The following VCAM1 variants were observed in gnomAD, a reference collection of about 807,000 sequenced individuals.
VCAM1 encodes the protein vascular cell adhesion molecule 1, also known as vascular cell adhesion protein 1.
In VCAM1, 41 loss-of-function variants were observed where a neutral mutation model predicts 63.8. The observed-to-expected ratio is 0.64, with a 90% CI of 0.50 to 0.83. The LOEUF is 0.83. VCAM1 is among the 40% of genes least tolerant of loss of function. VCAM1 has a pLI of 0.00. For synonymous variants in VCAM1, 338 were observed against 320.7 expected, an observed-to-expected ratio of 1.05 and a Z score of -0.58; for missense variants, 798 against 875.5, an observed-to-expected ratio of 0.91 and a Z score of 1.12.
chr1:100,720,105 ATAGT>A (rs755048879), intron 1 of VCAM1, among the ~76,000 whole-genome samples, 181 bp downstream of exon 1: 18 of 152,132 alleles, frequency 1.2e-4, no homozygotes, highest in South Asian at 1.0e-3. Context: ...TTGTACTGTC[ATAGT>A]TAGAGCTGAA....
chr1:100,737,099 G>A (rs1162483458), intron 8 of VCAM1: 2 of 152,092 alleles, frequency 1.3e-5, no homozygotes, highest in East Asian at 3.8e-4. Context: ...AGATTAGAAA[G>A]AATACTAATT....
At chr1:100,724,418 G>C (rs897658734) in intron 3 of VCAM1, among the ~76,000 whole-genome samples, 1 of 152,010 alleles carries the variant, frequency 6.6e-6, no homozygotes, top group African/African-American at 2.4e-5. Context: ...ACAACCATCT[G>C]AAAAATATGA....
rs1660107968 is a variant in VCAM1, at chr1:100,724,943, C to G, written c.928+53C>G. On this transcript the variant is annotated intron_variant, in intron 4 of 8. Coordinates refer to ENST00000294728, the MANE Select transcript of VCAM1 (RefSeq NM_001078.4). ...AAAGGTGCTGTCAGTGGGATTTGAG[C>G]AATAGTCAACACAGCTTCAATGCTG... The G allele has an allele frequency of 2.5e-6, 4 of 1,586,486 alleles. No homozygotes were observed. In the South Asian group the frequency reaches 4.7e-5, roughly 19 times the overall value.
rs1557905969 is a variant in VCAM1 at position 100,731,368 on chromosome 1, A to C, written c.1375A>C (p.Lys459Gln). 1 of 1,613,842 alleles carries C rather than the reference A, an allele frequency of 6.2e-7. No individual in the cohort carries two copies. Among genetic ancestry groups the C allele is most frequent in the East Asian group, 2.2e-5 (1 of 44,868 alleles). The change falls in exon 6 of 9, where the codon AAA (lysine) becomes CAA (glutamine). Residue 459 changes from lysine to glutamine, a missense_variant. By Grantham distance (53) the Lys-to-Gln change is moderately conservative. Coordinates refer to ENST00000294728, the MANE Select transcript of VCAM1 (RefSeq NM_001078.4). The surrounding 1 kb of genome is among the most constrained non-coding windows in gnomAD (Gnocchi z 4.2). The stretch of plus-strand genomic sequence containing the variant: ...AGAGTTTTTGGAGGATACGGATATG[A>C]AATCTCTAGAGAACAAAAGTTTGGA... ...NIEFLEDTDM[K>Q]SLENKSLEMT...
rs141877529 is a variant in VCAM1 at position 100,720,714 on chromosome 1, T to C, written c.303T>C (p.Ser101=). 27 of 1,612,596 alleles carry C rather than the reference T, an allele frequency of 1.7e-5. No homozygotes were observed. In the African/African-American group the frequency reaches 2.8e-4, roughly 17 times the overall value. The change falls in exon 2 of 9, where the codon TCT becomes TCC. Residue 101 remains serine, a synonymous_variant. Transcript: ENST00000294728. ...HSYLCTATCE[S]RKLEKGIQVE... is the part of the protein sequence containing the mutation. The stretch of plus-strand genomic sequence containing the variant: ...ACCTGTGCACAGCAACTTGTGAATC[T>C]AGGAAATTGGAAAAAGGAATCCAGG...
chr1:100,723,111 A>G lies in VCAM1; in HGVS notation c.432A>G (p.Pro144=). The G allele has an allele frequency of 6.2e-7, 1 of 1,613,118 alleles. No individual in the cohort carries two copies. The highest frequency in any genetic ancestry group is 8.5e-7 in the Non-Finnish European group (1 of 1,179,448). ...TVKCSVADVY[P]FDRLEIDLLK... ...AGTGTTCAGTTGCTGATGTATACCC[A>G]TTTGACAGGCTGGAGATAGACTTAC... The change falls in exon 3 of 9, where the codon CCA becomes CCG. Residue 144 remains proline, a synonymous_variant. Transcript: ENST00000294728.
Position 100,734,094 on chromosome 1 carries a change from C to T in VCAM1, c.1793-408C>T, listed in dbSNP as rs767654061. Among the ~76,000 whole-genome samples the T allele has an allele frequency of 5.9e-5, 9 of 152,188 alleles. No individual in the cohort carries two copies. In the South Asian group the frequency reaches 1.5e-3, roughly 25 times the overall value. The stretch of plus-strand genomic sequence containing the variant: ...GCCACACTTTAAAACCAAAAGTTCT[C>T]GTAAAAACTCATTAACTATCATGAG... On this transcript the variant is annotated intron_variant, in intron 7 of 8. Transcript: ENST00000294728.
intron 4 of VCAM1, among the ~76,000 whole-genome samples, chr1:100,726,180 C>G (rs1005788045): frequency 6.6e-6 from 1 of 152,030 alleles, no homozygotes; most frequent in South Asian, 2.1e-4. Context: ...GCTTGTTTCA[C>G]TTAGCATAGT....
At chr1:100,738,001 C>G in intron 8 of VCAM1, 122 bp from the exon 9 acceptor site, 1 of 1,114,498 alleles carries the variant, frequency 9.0e-7, no homozygotes, top group Non-Finnish European at 1.3e-6. Flanking sequence ...GTCCTTATCA[C>G]TGCTTTGATT....
At chr1:100,737,106 A>G (rs1367527376) in intron 8 of VCAM1, 1 of 152,186 alleles carries the variant, frequency 6.6e-6, no homozygotes, top group Non-Finnish European at 1.5e-5. Context: ...AAAGAATACT[A>G]ATTTTAAAGT....
chr1:100,722,031 T>C (rs974724791), intron 2 of VCAM1, among the ~76,000 whole-genome samples: 1 of 152,114 alleles, frequency 6.6e-6, no homozygotes, highest in South Asian at 2.1e-4. Context: ...CTGAGGTTTT[T>C]CTCCAAGAGT....
At chr1:100,734,819 A>G (rs756963496) in intron 8 of VCAM1, 51 bp downstream of exon 8, 82 of 1,583,098 alleles carry the variant, frequency 5.2e-5, no homozygotes, top group Non-Finnish European at 6.7e-5. Context: ...AGAGGTTCCA[A>G]GGATTACTAA....
At chr1:100,724,949 TC>T in intron 4 of VCAM1, 59 bp downstream of exon 4, 1 of 1,576,924 alleles carries the variant, frequency 6.3e-7, no homozygotes, top group Non-Finnish European at 8.6e-7. Context: ...TGAGCAATAG[TC>T]AACACAGCTT....
intron 3 of VCAM1, among the ~76,000 whole-genome samples, chr1:100,723,888 G>T (rs1454826492): frequency 1.3e-5 from 2 of 151,986 alleles, no homozygotes; most frequent in South Asian, 2.1e-4. Context: ...TGTAGTCCCA[G>T]CGTTGTGTAG....
intron 5 of VCAM1, 26 bp downstream of exon 5, chr1:100,729,408 T>TG (rs1553219426): frequency 4.8e-6 from 7 of 1,444,924 alleles, no homozygotes; most frequent in Non-Finnish European, 6.4e-6. Context: ...AATTGTTTAC[T>TG]GTTTTTTTTT....
chr1:100,732,327 T>G, intron 6 of VCAM1, 91 bp from the exon 7 acceptor site: 1 of 1,365,626 alleles, frequency 7.3e-7, no homozygotes, highest in Non-Finnish European at 9.8e-7. Context: ...TTGAGTCTGC[T>G]GAATCCATAG....
chr1:100,729,407 C>CT, intron 5 of VCAM1, 25 bp downstream of exon 5: 17 of 1,421,454 alleles, frequency 1.2e-5, no homozygotes, highest in South Asian at 6.0e-5. Context: ...GAATTGTTTA[C>CT]TGTTTTTTTT....
chr1:100,723,277 C>G lies in VCAM1; in HGVS notation c.598C>G (p.His200Asp). The part of the protein sequence containing the change: ...GKVLVCRAKL[H>D]IDEMDSVPTV... ...AGTTCTTGTTTGCCGAGCTAAATTA[C>G]ACATTGATGAAATGGATTCTGTGCC... The change falls in exon 3 of 9, where the codon CAC (histidine) becomes GAC (aspartate). Residue 200 changes from histidine to aspartate, a missense_variant. By Grantham distance (81) the His-to-Asp change is moderately conservative (BLOSUM62 -1). Coordinates refer to ENST00000294728, the MANE Select transcript of VCAM1 (RefSeq NM_001078.4). The G allele has an allele frequency of 6.2e-7, 1 of 1,613,112 alleles. No homozygotes were observed. The highest frequency in any genetic ancestry group is 2.2e-5 in the East Asian group (1 of 44,848).
intron 4 of VCAM1, 107 bp downstream of exon 4, chr1:100,724,997 C>G: frequency 7.2e-7 from 1 of 1,388,712 alleles, no homozygotes; most frequent in Non-Finnish European, 9.8e-7. Flanking sequence ...TCACTGATGA[C>G]CTATCTGATT....
Sources: gnomAD v4.1 joint callset for allele counts (sites outside exome capture counted in the v4.1 genomes callset) on GRCh38, gnomAD v4.1.1 for gene constraint, Gnocchi (gnomAD v3.1) non-coding constraint, MANE v1.5 for transcripts, NCBI Gene and HGNC (gene_info 2026-07-23, HGNC 2026-07-21) for gene names.